The following GALNT17 variants were observed in gnomAD, a reference collection of about 807,000 sequenced individuals.
GALNT17 encodes the protein UDP-GalNAc:polypeptide N-acetylgalactosaminyltransferase-like 3.
In GALNT17, 29 loss-of-function variants were observed where a neutral mutation model predicts 63.7. The ratio of observed to expected loss-of-function variants is 0.46; its 90% CI spans 0.34 to 0.62. GALNT17 has a LOEUF of 0.62. Among genes scored for constraint, GALNT17 ranks in the 20% least tolerant of loss-of-function variants. The probability of loss-of-function intolerance (pLI) is 0.01; values close to 1 mark genes in which losing one functional copy is unlikely to be tolerated. For missense variants in GALNT17, 603 were observed against 799.6 expected, an observed-to-expected ratio of 0.75 and a Z score of 2.97; for synonymous variants, 305 against 318.3, an observed-to-expected ratio of 0.96 and a Z score of 0.45.
At chr7:71,692,737 ATT>A (rs35774725) in intron 9 of GALNT17, among the ~76,000 whole-genome samples, 102,482 of 147,210 alleles carry the variant, frequency 0.7, 35,767 homozygotes, top group East Asian at 0.85. Flanking sequence ...TTTTTATTCT[ATT>A]TTTTTTTTTT....
chr7:71,405,486 T>C (rs992820900), intron 3 of GALNT17, among the ~76,000 whole-genome samples: 1 of 152,104 alleles, frequency 6.6e-6, no homozygotes, highest in Non-Finnish European at 1.5e-5. Flanking sequence ...TAATAAAATA[T>C]TAGCCAGGCA....
chr7:71,362,513 C>T (rs534823794), intron 2 of GALNT17, among the ~76,000 whole-genome samples: 2 of 152,276 alleles, frequency 1.3e-5, no homozygotes, highest in East Asian at 1.9e-4. Flanking sequence ...GTGCTTGGTT[C>T]GCTGGCTTCC....
intron 6 of GALNT17, among the ~76,000 whole-genome samples, chr7:71,632,976 C>A (rs180970555): frequency 6.6e-6 from 1 of 151,578 alleles, no homozygotes; most frequent in African/African-American, 2.4e-5. Context: ...TGGTGGCACA[C>A]GCCTGTAATC....
chr7:71,536,256 C>G (rs966639963), intron 5 of GALNT17, among the ~76,000 whole-genome samples: 3 of 152,208 alleles, frequency 2.0e-5, no homozygotes, highest in African/African-American at 7.2e-5. Context: ...GCTCCTAGAT[C>G]TGGGTCTCAC....
chr7:71,219,898 G>A (rs1562925881), intron 1 of GALNT17, among the ~76,000 whole-genome samples: 2 of 152,202 alleles, frequency 1.3e-5, no homozygotes, highest in Non-Finnish European at 2.9e-5. Context: ...GGTTCTCACT[G>A]GTAGGTGCTC....
At chr7:71,348,980 C>T (rs1792142789) in intron 2 of GALNT17, among the ~76,000 whole-genome samples, 1 of 152,220 alleles carries the variant, frequency 6.6e-6, no homozygotes. Flanking sequence ...TACAAGGAAA[C>T]CCAAGCTGGT....
intron 1 of GALNT17, among the ~76,000 whole-genome samples, chr7:71,193,037 A>G (rs186614744): frequency 6.6e-6 from 1 of 152,170 alleles, no homozygotes; most frequent in Non-Finnish European, 1.5e-5. Flanking sequence ...CTTTGAGAGA[A>G]TGCATCTTGG....
intron 1 of GALNT17, among the ~76,000 whole-genome samples, chr7:71,167,173 C>T (rs1233063101): frequency 6.6e-6 from 1 of 151,646 alleles, no homozygotes; most frequent in African/African-American, 2.4e-5. Flanking sequence ...AGACATGAAC[C>T]ACTGTGCCTG....
chr7:71,364,089 T>C (rs985011702), intron 2 of GALNT17, among the ~76,000 whole-genome samples: 4 of 152,196 alleles, frequency 2.6e-5, no homozygotes, highest in African/African-American at 7.2e-5. Flanking sequence ...TAGTGATGAT[T>C]TGGGTGCACC....
intron 1 of GALNT17, among the ~76,000 whole-genome samples, chr7:71,330,006 T>C (rs1273484649): frequency 1.3e-5 from 2 of 149,928 alleles, no homozygotes; most frequent in Admixed American, 1.3e-4. Context: ...CATATATGTG[T>C]GTATATATAC....
chr7:71,284,268 C>A, intron 1 of GALNT17: 1 of 155,684 alleles, frequency 6.4e-6, no homozygotes. Context: ...ATGATCTCGG[C>A]TCTCTGCAGC....
chr7:71,672,892 G>A (rs1791091478), intron 8 of GALNT17, among the ~76,000 whole-genome samples: 3 of 152,072 alleles, frequency 2.0e-5, no homozygotes, highest in Non-Finnish European at 4.4e-5. Flanking sequence ...AATAAACAAA[G>A]TACAAGGTCA....
chr7:71,272,941 G>C (rs1790618831), intron 1 of GALNT17, among the ~76,000 whole-genome samples: 1 of 152,078 alleles, frequency 6.6e-6, no homozygotes, highest in African/African-American at 2.4e-5. Context: ...AGCCTTGAAA[G>C]TTGAAATGTT....
chr7:71,380,335 T>C (rs1792821861), intron 2 of GALNT17, among the ~76,000 whole-genome samples: 1 of 151,968 alleles, frequency 6.6e-6, no homozygotes. Context: ...TTAGTATTAA[T>C]ATTATTATTA....
intron 2 of GALNT17, among the ~76,000 whole-genome samples, chr7:71,365,567 C>T (rs956229481): frequency 5.3e-5 from 8 of 152,184 alleles, no homozygotes; most frequent in African/African-American, 1.9e-4. Flanking sequence ...TCTGTTGCAT[C>T]CATCACTCCC....
At chr7:71,505,950 A>G (rs1352448773) in intron 5 of GALNT17, among the ~76,000 whole-genome samples, 1 of 152,212 alleles carries the variant, frequency 6.6e-6, no homozygotes, top group Non-Finnish European at 1.5e-5. Flanking sequence ...CAGAAGCCAC[A>G]GGCCCCATTG....
intron 1 of GALNT17, among the ~76,000 whole-genome samples, chr7:71,323,724 A>G (rs917917686): frequency 4.6e-5 from 7 of 152,244 alleles, no homozygotes; most frequent in Admixed American, 4.6e-4. Context: ...ACAGTAGAAT[A>G]TGATGCTAAA....
At chr7:71,222,680 G>A (rs574408554) in intron 1 of GALNT17, among the ~76,000 whole-genome samples, 68 of 152,264 alleles carry the variant, frequency 4.5e-4, no homozygotes, top group Non-Finnish European at 8.4e-4. Context: ...TTCATGATTT[G>A]ATTTAGATTT....
At position 71,148,089 on chromosome 7, in the gene GALNT17, T is replaced by C. The variant is rs1788058661; in HGVS notation, c.238+15049T>C. Reference sequence around the variant, plus strand: ...CTTTCCTCAAAATGATTTGTTGTCATGGCCAGCCCAGTAGTTTCCAAGAGA... The same window carrying C: ...CTTTCCTCAAAATGATTTGTTGTCACGGCCAGCCCAGTAGTTTCCAAGAGA... On this transcript the variant is annotated intron_variant, in intron 1 of 10. Coordinates refer to ENST00000333538, the MANE Select transcript of GALNT17 (RefSeq NM_022479.3). Among the ~76,000 whole-genome samples the C allele has an allele frequency of 2.6e-5, 4 of 152,368 alleles. No individual in the cohort carries two copies. The South Asian group carries it at 8.3e-4, about 32-fold the overall frequency.
Sources: allele counts gnomAD v4.1 joint callset (sites outside exome capture counted in the v4.1 genomes callset), GRCh38; gene constraint gnomAD v4.1.1; transcripts MANE v1.5; gene names NCBI Gene and HGNC (gene_info 2026-07-23, HGNC 2026-07-21).